CHSY3: variants seen among roughly 807,000 people sequenced by gnomAD.
CHSY3 encodes chondroitin sulfate synthase 3.
A neutral mutation model predicts 67.2 loss-of-function variants in CHSY3; 35 were observed. That is an observed-to-expected ratio of 0.52 (90% CI 0.40 to 0.69). The LOEUF is 0.69. CHSY3 is among the 30% of genes least tolerant of loss of function. The pLI is 0.00. For missense variants in CHSY3, 1,069 were observed against 1,138.5 expected (o/e 0.94, Z 0.88); for synonymous variants, 474 against 434.7 (o/e 1.09, Z -1.12).
At chr5:129,933,284 G>A (rs1269631934) in intron 2 of CHSY3, among the ~76,000 whole-genome samples, 1 of 152,112 alleles carries the variant, frequency 6.6e-6, no homozygotes, top group Non-Finnish European at 1.5e-5. Flanking sequence ...TCTGTGGAAA[G>A]GAGGGCCATT....
chr5:130,026,549 A>G (rs1764549362), intron 2 of CHSY3, among the ~76,000 whole-genome samples: 1 of 152,138 alleles, frequency 6.6e-6, no homozygotes, highest in South Asian at 2.1e-4. Flanking sequence ...GTATTGATGT[A>G]AATATATTTT....
intron 2 of CHSY3, among the ~76,000 whole-genome samples, chr5:129,928,216 G>C (rs1196502704): frequency 1.7e-5 from 2 of 119,206 alleles, no homozygotes; most frequent in East Asian, 4.8e-4. Context: ...CCTGTGAAAG[G>C]CTCCAGTACT....
intron 2 of CHSY3, among the ~76,000 whole-genome samples, chr5:129,942,863 A>T (rs1307550585): frequency 2.0e-5 from 3 of 152,122 alleles, no homozygotes; most frequent in African/African-American, 7.2e-5. Context: ...TAGTTAATGG[A>T]TATATATGAG....
rs766193904 is a variant in CHSY3 at position 129,905,084 on chromosome 5, G to A, written c.255G>A (p.Gly85=). 9.7e-6 allele frequency: 15 copies of A among 1,542,446 alleles called. No homozygotes were observed. The East Asian group carries it at 2.7e-4, about 27-fold the overall frequency. ...SPPPARQDLQ[G]PPLPEAAPGI... ...CCCCCGCGCGCCAGGATCTCCAGGG[G>A]CCACCGCTGCCCGAGGCAGCACCCG... The change falls in exon 1 of 3, where the codon GGG becomes GGA. Residue 85 remains glycine (G), a synonymous_variant. Coordinates refer to ENST00000305031, the MANE Select transcript of CHSY3 (RefSeq NM_175856.5).
intron 2 of CHSY3, among the ~76,000 whole-genome samples, chr5:129,957,643 G>A (rs1762215870): frequency 6.6e-6 from 1 of 152,038 alleles, no homozygotes; most frequent in African/African-American, 2.4e-5. Context: ...TGGATCAACT[G>A]TGTTCTATTT....
At chr5:130,009,132 C>G (rs1012214235) in intron 2 of CHSY3, among the ~76,000 whole-genome samples, 1 of 152,074 alleles carries the variant, frequency 6.6e-6, no homozygotes, top group Non-Finnish European at 1.5e-5. Context: ...AAATCGTATA[C>G]AAGATGACCA....
chr5:130,157,703 G>T (rs930571016), intron 2 of CHSY3, among the ~76,000 whole-genome samples: 3 of 152,042 alleles, frequency 2.0e-5, no homozygotes, highest in Non-Finnish European at 2.9e-5. Flanking sequence ...GAAAGAATTC[G>T]AGGTGAATCC....
chr5:129,979,488 C>A (rs924197312), intron 2 of CHSY3, among the ~76,000 whole-genome samples: 1 of 151,922 alleles, frequency 6.6e-6, no homozygotes, highest in South Asian at 2.1e-4. Flanking sequence ...GTTTTTTCTT[C>A]ACAGCAGAAT....
chr5:130,101,735 T>C (rs1767253083), intron 2 of CHSY3, among the ~76,000 whole-genome samples: 1 of 152,138 alleles, frequency 6.6e-6, no homozygotes, highest in Admixed American at 6.5e-5. Context: ...TTTAGGTAGA[T>C]ATGTATGTCA....
At chr5:130,152,349 AGACT>A (rs1190666547) in intron 2 of CHSY3, among the ~76,000 whole-genome samples, 1 of 152,230 alleles carries the variant, frequency 6.6e-6, no homozygotes, top group Non-Finnish European at 1.5e-5. Context: ...AAACAGCTGC[AGACT>A]GACTATTAAT....
intron 2 of CHSY3, among the ~76,000 whole-genome samples, chr5:129,927,360 G>T (rs570303705): frequency 6.6e-6 from 1 of 151,962 alleles, no homozygotes; most frequent in Admixed American, 6.6e-5. Flanking sequence ...TTTGACATTT[G>T]TAACAAATGG....
chr5:130,039,608 C>T (rs777289158), intron 2 of CHSY3, among the ~76,000 whole-genome samples: 20 of 148,226 alleles, frequency 1.3e-4, no homozygotes, highest in Non-Finnish European at 2.7e-4. Flanking sequence ...GGCACAATAA[C>T]GGCTCAGATT....
intron 2 of CHSY3, among the ~76,000 whole-genome samples, chr5:130,042,489 G>T (rs540005936): frequency 2.6e-5 from 4 of 151,978 alleles, no homozygotes; most frequent in African/African-American, 9.7e-5. Context: ...TTTGTCTATT[G>T]GTTTTAAAAA....
chr5:130,136,053 C>T (rs561007284), intron 2 of CHSY3, among the ~76,000 whole-genome samples: 61 of 152,196 alleles, frequency 4.0e-4, no homozygotes, highest in Admixed American at 3.7e-3. Context: ...AGAAAACAAG[C>T]GAAGTGTTTA....
chr5:130,148,753 T>C (rs1411939960), intron 2 of CHSY3, among the ~76,000 whole-genome samples: 1 of 152,244 alleles, frequency 6.6e-6, no homozygotes, highest in South Asian at 2.1e-4. Flanking sequence ...TTTTTTGTTT[T>C]TTTATTGTAA....
At chr5:130,017,772 T>C (rs1307784747) in intron 2 of CHSY3, among the ~76,000 whole-genome samples, 1 of 152,052 alleles carries the variant, frequency 6.6e-6, no homozygotes, top group Non-Finnish European at 1.5e-5. Flanking sequence ...TAATAAAATA[T>C]AGCTTTTAAA....
intron 2 of CHSY3, among the ~76,000 whole-genome samples, chr5:129,999,684 A>T (rs1763662559): frequency 6.6e-6 from 1 of 152,162 alleles, no homozygotes. Context: ...TTTCCTGAAC[A>T]CACCATGCTT....
intron 2 of CHSY3, among the ~76,000 whole-genome samples, chr5:129,992,908 T>C (rs1580624329): frequency 6.6e-6 from 1 of 152,186 alleles, no homozygotes; most frequent in African/African-American, 2.4e-5. Flanking sequence ...CTCACACATA[T>C]CTATTATTAT....
At chr5:129,996,717 A>G (rs768796129) in intron 2 of CHSY3, among the ~76,000 whole-genome samples, 1 of 152,122 alleles carries the variant, frequency 6.6e-6, no homozygotes, top group Non-Finnish European at 1.5e-5. Context: ...ACAAACATGT[A>G]GCAATTCTGA....
Sources: allele counts gnomAD v4.1 joint callset (sites outside exome capture counted in the v4.1 genomes callset), GRCh38; gene constraint gnomAD v4.1.1; transcripts MANE v1.5; gene names NCBI Gene and HGNC (gene_info 2026-07-23, HGNC 2026-07-21).